Variants in ZSWIM9 observed in about 807,000 individuals in gnomAD.
ZSWIM9 encodes uncharacterized protein ZSWIM9.
In ZSWIM9, 11 loss-of-function variants were observed where a neutral mutation model predicts 25.0. The ratio of observed to expected loss-of-function variants is 0.44; its 90% CI spans 0.28 to 0.73. ZSWIM9 has a LOEUF of 0.73. Among genes scored for constraint, ZSWIM9 ranks in the 30% least tolerant of loss-of-function variants. The pLI, the probability that ZSWIM9 is intolerant of heterozygous loss-of-function variation, is 0.16. For missense variants in ZSWIM9, 1,070 were observed against 1,296.5 expected, an observed-to-expected ratio of 0.83 and a Z score of 2.68; for synonymous variants, 562 against 582.1, an observed-to-expected ratio of 0.97 and a Z score of 0.50.
Position 48,196,289 on chromosome 19 carries a change from A to G in ZSWIM9, c.2225A>G (p.Lys742Arg), listed in dbSNP as rs2037164422. 2 of 1,233,652 alleles carry G rather than the reference A, an allele frequency of 1.6e-6. No homozygotes were observed. The highest frequency in any genetic ancestry group is 1.6e-5 in the African/African-American group (1 of 64,394). 76.4% of individuals were successfully genotyped at this position (1,233,652 alleles called of 1,614,324 possible). A position where few individuals can be genotyped will look rare whatever the true frequency, so the allele number is the denominator to read the frequency against. The change falls in exon 4 of 4, where the codon AAG becomes AGG. Residue 742 changes from lysine to arginine, a missense_variant. Lys to Arg is a conservative substitution (Grantham distance 26). This residue lies in a region of ZSWIM9 where 583 missense variants were observed against 624.7 expected (regional missense o/e 0.93). Coordinates refer to ENST00000614654, the MANE Select transcript of ZSWIM9 (RefSeq NM_199341.4). Reference protein sequence around the residue: ...DGGGARSVGPKSRAGRGMEWG... With the variant: ...DGGGARSVGPRSRAGRGMEWG... ...GGGGGAGCCCGGTCCGTGGGCCCCA[A>G]GAGCCGAGCCGGACGAGGGATGGAG...
chr19:48,197,489 A>C lies in ZSWIM9; in HGVS notation c.*662A>C, dbSNP rs948084954. 3.5e-6 allele frequency: 2 copies of C among 575,494 alleles called. No homozygotes were observed. Among genetic ancestry groups the C allele is most frequent in the Admixed American group, 3.0e-5 (1 of 33,532 alleles). The allele number at this position is 575,494 out of a possible 1,614,324, so 35.6% of individuals were successfully genotyped here. A position where few individuals can be genotyped will look rare whatever the true frequency, so the allele number is the denominator to read the frequency against. The stretch of plus-strand genomic sequence containing the variant: ...GTTTTGGTTTTTCTCCAAGACCTGG[A>C]GACATCGACCCCCATCGCCTTCTGA... On this transcript the variant is annotated 3_prime_UTR_variant, in exon 4 of 4. Coordinates refer to ENST00000614654, the MANE Select transcript of ZSWIM9 (RefSeq NM_199341.4).
At position 48,191,092 on chromosome 19, in the gene ZSWIM9, A is replaced by ATGTGTGTG. The variant is rs940221946; in HGVS notation, c.589-3534_589-3527dup. On this transcript the variant is annotated intron_variant, in intron 3 of 3. Coordinates refer to ENST00000614654, the MANE Select transcript of ZSWIM9 (RefSeq NM_199341.4). ...GTGAGAAAGTGCAGTGTGTATGTGT[A>ATGTGTGTG]TGTGTGTGTGTGTGTGTGTGTGTGT... Among the ~76,000 whole-genome samples the ATGTGTGTG allele has an allele frequency of 3.2e-3, 305 of 96,530 alleles. 1 individual carries two copies. Among genetic ancestry groups the ATGTGTGTG allele is most frequent in the African/African-American group, 8.3e-3 (286 of 34,516 alleles). The allele number at this position is 96,530 out of a possible 152,430, so 63.3% of individuals were successfully genotyped here.
intron 2 of ZSWIM9, among the ~76,000 whole-genome samples, chr19:48,174,238 C>T (rs1225588497): frequency 2.0e-5 from 3 of 151,976 alleles, no homozygotes; most frequent in Non-Finnish European, 2.9e-5. Flanking sequence ...ACATGCTCCA[C>T]GACTTCCTGG....
At chr19:48,173,067 G>T (rs555882813) in intron 2 of ZSWIM9, among the ~76,000 whole-genome samples, 14 of 152,332 alleles carry the variant, frequency 9.2e-5, no homozygotes, top group Middle Eastern at 3.4e-3. Flanking sequence ...TAAGGGGCCA[G>T]GTCCCATGCT....
In ZSWIM9 at chr19:48,195,795, G is replaced by C; in HGVS notation, c.1731G>C (p.Trp577Cys). The C allele has an allele frequency of 6.7e-7, 1 of 1,498,142 alleles. No individual in the cohort carries two copies. Among genetic ancestry groups the C allele is most frequent in the Non-Finnish European group, 8.8e-7 (1 of 1,130,210 alleles). 92.8% of individuals were successfully genotyped at this position (1,498,142 alleles called of 1,614,324 possible). The change falls in exon 4 of 4, where the codon TGG becomes TGC. Residue 577 changes from tryptophan (W) to cysteine (C), a missense_variant. This residue lies in a region of ZSWIM9 where 583 missense variants were observed against 624.7 expected (regional missense o/e 0.93). Coordinates refer to ENST00000614654, the MANE Select transcript of ZSWIM9 (RefSeq NM_199341.4). The surrounding 1 kb of genome is among the most constrained non-coding windows in gnomAD (Gnocchi z 5.8). ...ATTGGGGACTGGAAGGTTATGTCTG[G>C]AGGGGGTCCCAGTTGGAGGACCAGG... ...EKDWGLEGYVWRGSQLEDQAL... is the reference protein window; with the variant it reads ...EKDWGLEGYVCRGSQLEDQAL...
At chr19:48,174,602 AG>A (rs2123181092) in intron 2 of ZSWIM9, 1 of 152,330 alleles carries the variant, frequency 6.6e-6, no homozygotes, top group East Asian at 1.9e-4. Context: ...GCACAGAGTA[AG>A]CACACTCTTA....
chr19:48,187,463 ATATATATTATATATAT>A, intron 3 of ZSWIM9, among the ~76,000 whole-genome samples: 1 of 71,786 alleles, frequency 1.4e-5, no homozygotes, highest in Non-Finnish European at 2.5e-5. Flanking sequence ...TATATTAATT[ATATATATTATATATAT>A]TATATATTAT....
In ZSWIM9 at chr19:48,195,199, C is replaced by T; in HGVS notation, c.1135C>T (p.Arg379Cys). The change falls in exon 4 of 4, where the codon CGC becomes TGC. Residue 379 changes from arginine (R) to cysteine (C), a missense_variant. Arg to Cys is a radical substitution (Grantham distance 180, BLOSUM62 -3). This residue lies in a region of ZSWIM9 where 184 missense variants were observed against 243.1 expected (regional missense o/e 0.76). Coordinates refer to ENST00000614654, the MANE Select transcript of ZSWIM9 (RefSeq NM_199341.4). This position sits in a 1 kb window ranked among gnomAD's most constrained non-coding sequence, Gnocchi z 5.8. ...GPAAFVDYFE[R>C]NWEPRRDMWV... ...AGCCGCCTTCGTGGACTACTTCGAGCGCAACTGGGAGCCCCGCCGCGACAT... is the reference window on the plus strand; with the variant it reads ...AGCCGCCTTCGTGGACTACTTCGAGTGCAACTGGGAGCCCCGCCGCGACAT... 6.6e-7 allele frequency: 1 copy of T among 1,525,976 alleles called. No individual in the cohort carries two copies. Among genetic ancestry groups the T allele is most frequent in the South Asian group, 1.2e-5 (1 of 83,936 alleles). 94.5% of individuals were successfully genotyped at this position (1,525,976 alleles called of 1,614,324 possible). A position where few individuals can be genotyped will look rare whatever the true frequency, so the allele number is the denominator to read the frequency against.
chr19:48,190,085 C>T (rs181972310), intron 3 of ZSWIM9, among the ~76,000 whole-genome samples: 22 of 151,942 alleles, frequency 1.4e-4, no homozygotes, highest in African/African-American at 5.1e-4. Flanking sequence ...TGCCTGTAGT[C>T]CCAGCTACTC....
Position 48,182,328 on chromosome 19 carries a change from C to T in ZSWIM9, c.276-127C>T. ...CCCCAGGTCACACAGCTGGCATATTCTTAGGGCCCTCTACTCTTCTCTATG... is the reference window on the plus strand; with the variant it reads ...CCCCAGGTCACACAGCTGGCATATTTTTAGGGCCCTCTACTCTTCTCTATG... On this transcript the variant is annotated intron_variant, in intron 2 of 3. Transcript: ENST00000614654. The surrounding 1 kb of genome is among the most constrained non-coding windows in gnomAD (Gnocchi z 4.6). 1 of 791,010 alleles carries T rather than the reference C, an allele frequency of 1.3e-6. No individual in the cohort carries two copies. Among genetic ancestry groups the T allele is most frequent in the East Asian group, 2.7e-5 (1 of 37,046 alleles). The allele number at this position is 791,010 out of a possible 1,614,324, so 49.0% of individuals were successfully genotyped here. A position where few individuals can be genotyped will look rare whatever the true frequency, so the allele number is the denominator to read the frequency against.
intron 1 of ZSWIM9, chr19:48,171,375 A>G: frequency 1.0e-6 from 1 of 985,310 alleles, no homozygotes; most frequent in African/African-American, 1.7e-5. Context: ...GATGAATACG[A>G]GAGTTAGAAG....
Position 48,194,686 on chromosome 19 carries a change from GT to G in ZSWIM9, c.623del (p.Val208GlyfsTer7). ...GGTGTTCGTGGAGGACCAGGCTGTG[GT>G]GGAGACGGTGTTCTTCCTGACGTCG... ...KLVFVEDQAV[V>X]ETVFFLTSRT... On this transcript the variant is annotated frameshift_variant, in exon 4 of 4. Coordinates refer to ENST00000614654, the MANE Select transcript of ZSWIM9 (RefSeq NM_199341.4). LOFTEE classifies it low-confidence loss of function (END_TRUNC). The surrounding 1 kb of genome is among the most constrained non-coding windows in gnomAD (Gnocchi z 6.0). The G allele has an allele frequency of 6.6e-7, 1 of 1,521,512 alleles. No homozygotes were observed. The highest frequency in any genetic ancestry group is 8.8e-7 in the Non-Finnish European group (1 of 1,138,996). 94.3% of individuals were successfully genotyped at this position (1,521,512 alleles called of 1,614,324 possible). A position where few individuals can be genotyped will look rare whatever the true frequency, so the allele number is the denominator to read the frequency against.
chr19:48,196,685 C>A lies in ZSWIM9; in HGVS notation c.2621C>A (p.Ala874Asp). Residue 874 changes from alanine (A) to aspartate (D), a missense_variant, in exon 4 of 4, where the codon GCC becomes GAC. This residue lies in a region of ZSWIM9 where 583 missense variants were observed against 624.7 expected (regional missense o/e 0.93). Transcript: ENST00000614654. ...DGTSDFFLDG[A>D]LTRCSCSIHA... ...ACCTCGGACTTCTTCCTGGATGGGGCCCTGACACGCTGCAGCTGCTCAATT... is the reference window on the plus strand; with the variant it reads ...ACCTCGGACTTCTTCCTGGATGGGGACCTGACACGCTGCAGCTGCTCAATT... 1 of 1,232,986 alleles carries A rather than the reference C, an allele frequency of 8.1e-7. No homozygotes were observed. Among genetic ancestry groups the A allele is most frequent in the Non-Finnish European group, 1.0e-6 (1 of 988,626 alleles). 76.4% of individuals were successfully genotyped at this position (1,232,986 alleles called of 1,614,324 possible). A position where few individuals can be genotyped will look rare whatever the true frequency, so the allele number is the denominator to read the frequency against.
Position 48,195,963 on chromosome 19 carries a change from C to G in ZSWIM9, c.1899C>G (p.His633Gln). The G allele has an allele frequency of 7.7e-7, 1 of 1,297,654 alleles. No individual in the cohort carries two copies. 80.4% of individuals were successfully genotyped at this position (1,297,654 alleles called of 1,614,324 possible). A position where few individuals can be genotyped will look rare whatever the true frequency, so the allele number is the denominator to read the frequency against. The stretch of plus-strand genomic sequence containing the variant: ...GCCCCTGGAGGGGGGCGCAGCTGCA[C>G]GATGAAAGGGCAGGGGGACTGAGAA... ...EGSPWRGAQL[H>Q]DERAGGLRTA... is the part of the protein sequence containing the mutation. Residue 633 changes from histidine (H) to glutamine (Q), a missense_variant, in exon 4 of 4, where the codon CAC becomes CAG. By Grantham distance (24) the His-to-Gln change is conservative. Coordinates refer to ENST00000614654, the MANE Select transcript of ZSWIM9 (RefSeq NM_199341.4). The surrounding 1 kb of genome is among the most constrained non-coding windows in gnomAD (Gnocchi z 5.8).
At chr19:48,178,830 TC>T (rs1270239195) in intron 2 of ZSWIM9, among the ~76,000 whole-genome samples, 1 of 152,124 alleles carries the variant, frequency 6.6e-6, no homozygotes, top group African/African-American at 2.4e-5. Context: ...CACCTCAGCC[TC>T]CCAAAGTGCT....
At chr19:48,179,273 G>A (rs1336197142) in intron 2 of ZSWIM9, among the ~76,000 whole-genome samples, 1 of 151,872 alleles carries the variant, frequency 6.6e-6, no homozygotes, top group South Asian at 2.1e-4. Context: ...TGATCCTCTT[G>A]CCTCAGCCTC....
At chr19:48,183,374 G>A (rs551761345) in intron 3 of ZSWIM9, among the ~76,000 whole-genome samples, 9 of 151,932 alleles carry the variant, frequency 5.9e-5, no homozygotes, top group South Asian at 4.2e-4. Context: ...TGATCCGCCC[G>A]CCTCGGCCTC....
At chr19:48,185,246 TCTC>T (rs1489311492) in intron 3 of ZSWIM9, among the ~76,000 whole-genome samples, 1 of 151,938 alleles carries the variant, frequency 6.6e-6, no homozygotes, top group Non-Finnish European at 1.5e-5. Flanking sequence ...TTCAAACGAT[TCTC>T]CTGCCTCAGC....
At chr19:48,179,300 T>C (rs2036923946) in intron 2 of ZSWIM9, among the ~76,000 whole-genome samples, 1 of 152,030 alleles carries the variant, frequency 6.6e-6, no homozygotes, top group African/African-American at 2.4e-5. Flanking sequence ...TAGCTAGGAC[T>C]ATGGGTGTGT....
Sources: gnomAD v4.1 joint callset for allele counts (sites outside exome capture counted in the v4.1 genomes callset) on GRCh38, gnomAD v4.1.1 for gene constraint, gnomAD v4.1.1 regional missense constraint, Gnocchi (gnomAD v3.1) non-coding constraint, MANE v1.5 for transcripts, NCBI Gene and HGNC (gene_info 2026-07-23, HGNC 2026-07-21) for gene names.